The following CDH12 variants were observed in gnomAD, a reference collection of about 807,000 sequenced individuals.
The protein encoded by CDH12 is cadherin 12, also known as cadherin-12.
Under a neutral mutation model 74.1 loss-of-function variants are expected in CDH12, and 41 were observed. The ratio of observed to expected loss-of-function variants is 0.55; its 90% CI spans 0.43 to 0.72. The LOEUF (loss-of-function observed/expected upper bound fraction) is 0.72. Among genes scored for constraint, CDH12 ranks in the 30% least tolerant of loss-of-function variants. The probability of loss-of-function intolerance (pLI) is 0.00; values close to 1 mark genes in which losing one functional copy is unlikely to be tolerated. For missense variants in CDH12, 945 were observed against 977.2 expected (o/e 0.97, Z 0.44); for synonymous variants, 399 against 355.0 (o/e 1.12, Z -1.39).
At chr5:22,263,384 G>C (rs1368412191) in intron 3 of CDH12, among the ~76,000 whole-genome samples, 1 of 152,094 alleles carries the variant, frequency 6.6e-6, no homozygotes, top group Non-Finnish European at 1.5e-5. Context: ...GGATAGAAAA[G>C]GATTCCATTG....
At chr5:22,568,399 T>C (rs1739389645) in intron 1 of CDH12, among the ~76,000 whole-genome samples, 2 of 152,214 alleles carry the variant, frequency 1.3e-5, no homozygotes, top group African/African-American at 4.8e-5. Flanking sequence ...ATTAATTATA[T>C]GTCTACACTT....
intron 2 of CDH12, among the ~76,000 whole-genome samples, chr5:22,430,742 C>A (rs1015121767): frequency 1.3e-5 from 2 of 152,132 alleles, no homozygotes; most frequent in African/African-American, 4.8e-5. Flanking sequence ...AATGAAATTG[C>A]TTACTCTTGT....
intron 1 of CDH12, among the ~76,000 whole-genome samples, chr5:22,618,049 A>G (rs572155877): frequency 5.6e-4 from 85 of 152,302 alleles, no homozygotes; most frequent in African/African-American, 1.9e-3. Context: ...CCAGTTTGCT[A>G]TAAAGAATCT....
rs1312779025 is a variant in CDH12, at chr5:21,973,150, T to G, written c.526+1941A>C. 2.0e-5 allele frequency among the ~76,000 whole-genome samples: 3 copies of G among 150,744 alleles called. No homozygotes were observed. In the East Asian group the frequency reaches 5.9e-4, roughly 30 times the overall value. Reference sequence around the variant, plus strand: ...TCAGCCCAGGAATTTAAGGCTTCAGTGAGCTAAGACTGGGCCATTGCACTC... The same window carrying G: ...TCAGCCCAGGAATTTAAGGCTTCAGGGAGCTAAGACTGGGCCATTGCACTC... On this transcript the variant is annotated intron_variant, in intron 6 of 14. Coordinates refer to ENST00000382254, the MANE Select transcript of CDH12 (RefSeq NM_004061.5).
intron 6 of CDH12, among the ~76,000 whole-genome samples, chr5:21,939,786 C>T (rs1755248637): frequency 6.6e-6 from 1 of 152,134 alleles, no homozygotes. Context: ...ATTTACAGAA[C>T]TTTATTCCTT....
chr5:21,973,633 G>A (rs1756948463), intron 6 of CDH12, among the ~76,000 whole-genome samples: 1 of 152,144 alleles, frequency 6.6e-6, no homozygotes, highest in Admixed American at 6.6e-5. Flanking sequence ...GTACTAAAAA[G>A]TCACTGAGGG....
chr5:21,899,400 G>A (rs1753280371), intron 6 of CDH12, among the ~76,000 whole-genome samples: 1 of 152,140 alleles, frequency 6.6e-6, no homozygotes, highest in Admixed American at 6.6e-5. Flanking sequence ...ACAATTCAGT[G>A]AAAGCATGTC....
At chr5:21,799,429 A>C (rs1433650363) in intron 10 of CDH12, among the ~76,000 whole-genome samples, 1 of 152,200 alleles carries the variant, frequency 6.6e-6, no homozygotes, top group Non-Finnish European at 1.5e-5. Context: ...CGTGTTCCAA[A>C]ATAATGAGAA....
intron 1 of CDH12, among the ~76,000 whole-genome samples, chr5:22,547,533 T>A (rs1262542051): frequency 6.6e-6 from 1 of 152,208 alleles, no homozygotes; most frequent in African/African-American, 2.4e-5. Context: ...TTTTCCTTCT[T>A]AGTAAATAGT....
At chr5:22,802,969 G>T (rs1243805135) in intron 1 of CDH12, among the ~76,000 whole-genome samples, 1 of 152,004 alleles carries the variant, frequency 6.6e-6, no homozygotes, top group East Asian at 1.9e-4. Context: ...CCAAAGTCTT[G>T]CACTTAAGTG....
chr5:21,774,796 C>A (rs180871179), intron 11 of CDH12, among the ~76,000 whole-genome samples: 1 of 152,256 alleles, frequency 6.6e-6, no homozygotes, highest in East Asian at 1.9e-4. Context: ...AAAGGATTGA[C>A]ATCAATTTGG....
At chr5:22,579,023 A>G (rs1351591183) in intron 1 of CDH12, among the ~76,000 whole-genome samples, 1 of 152,192 alleles carries the variant, frequency 6.6e-6, no homozygotes, top group Non-Finnish European at 1.5e-5. Flanking sequence ...AATTAGAGAT[A>G]TAACAAAGGC....
At chr5:22,432,604 G>A (rs974991745) in intron 2 of CDH12, among the ~76,000 whole-genome samples, 2 of 151,804 alleles carry the variant, frequency 1.3e-5, no homozygotes, top group African/African-American at 2.4e-5. Context: ...CAAAGAAGTC[G>A]TGATTGACAA....
chr5:22,414,085 A>T (rs1414428876), intron 2 of CDH12, among the ~76,000 whole-genome samples: 1 of 152,160 alleles, frequency 6.6e-6, no homozygotes, highest in Admixed American at 6.5e-5. Flanking sequence ...AACATATTTC[A>T]CATTTATAAT....
intron 8 of CDH12, among the ~76,000 whole-genome samples, chr5:21,824,301 G>T (rs1171435041): frequency 6.6e-6 from 1 of 152,034 alleles, no homozygotes; most frequent in Non-Finnish European, 1.5e-5. Context: ...TTGATGATGT[G>T]GTTTTTGCTT....
At position 21,961,387 on chromosome 5, in the gene CDH12, C is replaced by CA. The variant is rs940399425; in HGVS notation, c.526+13703dup. Among the ~76,000 whole-genome samples the CA allele has an allele frequency of 2.7e-3, 411 of 150,592 alleles. 2 individuals carry two copies. The highest frequency in any genetic ancestry group is 9.1e-3 in the African/African-American group (372 of 41,094). On this transcript the variant is annotated intron_variant, in intron 6 of 14. Coordinates refer to ENST00000382254, the MANE Select transcript of CDH12 (RefSeq NM_004061.5). ...TTCAACCAATTTTATGACTCTGTCT[C>CA]AAAAAAAAATGCATTCATTGTACAG...
intron 5 of CDH12, among the ~76,000 whole-genome samples, chr5:22,028,529 A>G (rs1170118037): frequency 6.6e-6 from 1 of 152,192 alleles, no homozygotes; most frequent in Non-Finnish European, 1.5e-5. Flanking sequence ...AAAGAGAATA[A>G]AATACCCAGG....
chr5:22,311,551 A>G (rs939930891), intron 3 of CDH12, among the ~76,000 whole-genome samples: 3 of 151,854 alleles, frequency 2.0e-5, no homozygotes, highest in African/African-American at 7.3e-5. Context: ...AAAATATAAC[A>G]ATTAGCCTGA....
Position 22,550,365 on chromosome 5 carries a change from G to A in CDH12, c.-522-45001C>T, listed in dbSNP as rs537509379. Among the ~76,000 whole-genome samples, 3 of 152,216 alleles carry A rather than the reference G, an allele frequency of 2.0e-5. No individual in the cohort carries two copies. In the South Asian group the frequency reaches 6.2e-4, roughly 32 times the overall value. On this transcript the variant is annotated intron_variant, in intron 1 of 14. Transcript: ENST00000382254. Reference sequence around the variant, plus strand: ...TCTGACAAATCTGATTGTCTAACAAGCAGCTTAAACTTTACATGTTTGACT... The same window carrying A: ...TCTGACAAATCTGATTGTCTAACAAACAGCTTAAACTTTACATGTTTGACT...
Sources: gnomAD v4.1 joint callset for allele counts (sites outside exome capture counted in the v4.1 genomes callset) on GRCh38, gnomAD v4.1.1 for gene constraint, MANE v1.5 for transcripts, NCBI Gene and HGNC (gene_info 2026-07-23, HGNC 2026-07-21) for gene names.